Variants in SNTG1 observed in about 807,000 individuals in gnomAD.
SNTG1 encodes the protein gamma-1-syntrophin.
SNTG1 carries 39 observed loss-of-function variants against 74.7 expected under a neutral mutation model. The observed-to-expected ratio is 0.52, with a 90% CI of 0.40 to 0.68. The LOEUF is 0.68. SNTG1 is among the 30% of genes least tolerant of loss of function. The pLI, the probability that SNTG1 is intolerant of heterozygous loss-of-function variation, is 0.00. For synonymous variants in SNTG1, 254 were observed against 217.1 expected (o/e 1.17, Z -1.49); for missense variants, 685 against 609.5 (o/e 1.12, Z -1.30).
intron 15 of SNTG1, among the ~76,000 whole-genome samples, chr8:50,695,816 G>A (rs1429963837): frequency 6.6e-6 from 1 of 151,234 alleles, no homozygotes; most frequent in Non-Finnish European, 1.5e-5. Flanking sequence ...TCTTTTTAAT[G>A]GATGAGTAGT....
intron 2 of SNTG1, among the ~76,000 whole-genome samples, chr8:50,303,558 C>T (rs1271387243): frequency 6.6e-6 from 1 of 151,934 alleles, no homozygotes; most frequent in Non-Finnish European, 1.5e-5. Context: ...TGTATAATTT[C>T]ATAGAACATA....
intron 2 of SNTG1, among the ~76,000 whole-genome samples, chr8:50,333,441 A>C (rs78063531): frequency 1.3e-3 from 197 of 152,310 alleles, no homozygotes; most frequent in African/African-American, 4.6e-3. Flanking sequence ...ATTAGCCACA[A>C]TTTGATCATC....
rs190890410 is a variant in SNTG1 at position 50,432,965 on chromosome 8, A to G, written c.163-5578A>G. Among the ~76,000 whole-genome samples the G allele has an allele frequency of 3.5e-3, 525 of 150,976 alleles. 3 individuals carry two copies. The highest frequency in any genetic ancestry group is 0.012 in the African/African-American group (505 of 40,808). Reference sequence around the variant, plus strand: ...TCTCCATGCTCGGCTAATTTTTTCTATTTAGTAGAGATGGGGGTTTCACCA... The same window carrying G: ...TCTCCATGCTCGGCTAATTTTTTCTGTTTAGTAGAGATGGGGGTTTCACCA... On this transcript the variant is annotated intron_variant, in intron 4 of 18. Coordinates refer to ENST00000642720, the MANE Select transcript of SNTG1 (RefSeq NM_018967.5).
At chr8:50,498,141 T>G (rs1427907520) in intron 8 of SNTG1, among the ~76,000 whole-genome samples, 1 of 151,972 alleles carries the variant, frequency 6.6e-6, no homozygotes, top group Non-Finnish European at 1.5e-5. Context: ...ATTAATTTAC[T>G]AGATCATGTA....
intron 1 of SNTG1, among the ~76,000 whole-genome samples, chr8:50,125,160 T>C (rs1004522673): frequency 1.4e-5 from 2 of 142,120 alleles, no homozygotes; most frequent in African/African-American, 5.1e-5. Flanking sequence ...TTGGTTTGGG[T>C]AGCAGGTGGA....
At chr8:50,060,757 C>T (rs1820403229) in intron 1 of SNTG1, among the ~76,000 whole-genome samples, 1 of 151,984 alleles carries the variant, frequency 6.6e-6, no homozygotes, top group African/African-American at 2.4e-5. Context: ...CTGGAGTCTA[C>T]CCTACCCCTA....
intron 1 of SNTG1, among the ~76,000 whole-genome samples, chr8:50,095,693 A>C (rs1474739161): frequency 2.0e-5 from 3 of 152,176 alleles, no homozygotes; most frequent in Non-Finnish European, 2.9e-5. Flanking sequence ...ATGTTGTACT[A>C]GAATATGTTT....
intron 18 of SNTG1, among the ~76,000 whole-genome samples, chr8:50,755,966 CTG>C (rs1200024506): frequency 6.6e-6 from 1 of 151,170 alleles, no homozygotes; most frequent in Non-Finnish European, 1.5e-5. Context: ...TAATTTTCAT[CTG>C]TATATATTCT....
At chr8:50,036,454 TC>T (rs1203904386) in intron 1 of SNTG1, among the ~76,000 whole-genome samples, 6 of 152,180 alleles carry the variant, frequency 3.9e-5, no homozygotes, top group Non-Finnish European at 8.8e-5. Flanking sequence ...ATAGCCTTCT[TC>T]CAGGAAGCCA....
intron 2 of SNTG1, among the ~76,000 whole-genome samples, chr8:50,240,868 T>G (rs1031030435): frequency 3.3e-5 from 5 of 152,228 alleles, no homozygotes; most frequent in African/African-American, 1.2e-4. Flanking sequence ...CCGTGAAAGA[T>G]TCATATTCCA....
chr8:50,723,631 G>T (rs577105375), intron 17 of SNTG1, among the ~76,000 whole-genome samples: 2 of 152,282 alleles, frequency 1.3e-5, no homozygotes, highest in South Asian at 4.1e-4. Flanking sequence ...GTTTTAATAT[G>T]TTTATTTTAC....
intron 3 of SNTG1, among the ~76,000 whole-genome samples, chr8:50,395,568 A>G (rs1013688861): frequency 1.4e-5 from 2 of 142,122 alleles, no homozygotes; most frequent in African/African-American, 5.3e-5. Flanking sequence ...CAGTGGCGCG[A>G]TCTCGGCTCA....
At chr8:49,953,872 G>A (rs1283331986) in intron 1 of SNTG1, among the ~76,000 whole-genome samples, 2 of 152,132 alleles carry the variant, frequency 1.3e-5, no homozygotes, top group African/African-American at 4.8e-5. Flanking sequence ...CTCTGCAGAG[G>A]CAACTTGAAA....
At chr8:50,530,772 CTT>C (rs1362039113) in intron 10 of SNTG1, among the ~76,000 whole-genome samples, 1 of 152,064 alleles carries the variant, frequency 6.6e-6, no homozygotes, top group African/African-American at 2.4e-5. Context: ...TAAAATTAAA[CTT>C]TGTTTTATAG....
intron 1 of SNTG1, among the ~76,000 whole-genome samples, chr8:49,958,361 T>C (rs984427333): frequency 1.3e-5 from 2 of 151,952 alleles, no homozygotes; most frequent in Non-Finnish European, 2.9e-5. Context: ...GATGAACAGC[T>C]AACAGGGGGC....
chr8:50,461,335 G>A (rs2093560407), intron 8 of SNTG1, among the ~76,000 whole-genome samples: 1 of 152,014 alleles, frequency 6.6e-6, no homozygotes, highest in South Asian at 2.1e-4. Flanking sequence ...TTACCTGTCT[G>A]AGATAGAGTT....
At chr8:50,177,734 T>C (rs1488967001) in intron 2 of SNTG1, among the ~76,000 whole-genome samples, 1 of 152,234 alleles carries the variant, frequency 6.6e-6, no homozygotes, top group Admixed American at 6.5e-5. Flanking sequence ...AACACTTGTT[T>C]AATTTGCCTA....
chr8:50,756,385 G>A (rs191587101), intron 18 of SNTG1, among the ~76,000 whole-genome samples: 58 of 151,816 alleles, frequency 3.8e-4, no homozygotes, highest in African/African-American at 1.4e-3. Flanking sequence ...TTAAATTATT[G>A]TCTTTTATAA....
intron 2 of SNTG1, among the ~76,000 whole-genome samples, chr8:50,360,645 A>G (rs562692219): frequency 6.6e-6 from 1 of 152,326 alleles, no homozygotes. Flanking sequence ...GTCTTAGGCT[A>G]CATGCCTCCA....
Sources: gnomAD v4.1 joint callset for allele counts (sites outside exome capture counted in the v4.1 genomes callset) on GRCh38, gnomAD v4.1.1 for gene constraint, MANE v1.5 for transcripts, NCBI Gene and HGNC (gene_info 2026-07-23, HGNC 2026-07-21) for gene names.